KNL1: variants seen among roughly 807,000 people sequenced by gnomAD.
The protein encoded by KNL1 is outer kinetochore KNL1 complex subunit KNL1.
KNL1 carries 66 observed loss-of-function variants against 201.3 expected under a neutral mutation model. That is an observed-to-expected ratio of 0.33 (90% CI 0.27 to 0.40). The LOEUF (loss-of-function observed/expected upper bound fraction) is 0.40. Ranked by LOEUF, KNL1 falls within the 10% of genes least tolerant of loss-of-function variation. The probability of loss-of-function intolerance (pLI) is 1.00; values close to 1 mark genes in which losing one functional copy is unlikely to be tolerated. For missense variants in KNL1, 2,815 were observed against 2,690.5 expected, an observed-to-expected ratio of 1.05 and a Z score of -1.02; for synonymous variants, 895 against 899.2, an observed-to-expected ratio of 1.00 and a Z score of 0.08.
intron 10 of KNL1, among the ~76,000 whole-genome samples, chr15:40,626,321 T>G (rs894607156): frequency 2.0e-5 from 3 of 149,798 alleles, no homozygotes; most frequent in African/African-American, 7.4e-5. Flanking sequence ...CCCGGCTAAT[T>G]TCTTTCTTTT....
chr15:40,595,900 T>C (rs919554821), intron 1 of KNL1, among the ~76,000 whole-genome samples: 4 of 152,232 alleles, frequency 2.6e-5, no homozygotes, highest in African/African-American at 9.6e-5. Flanking sequence ...ATATCGGTCG[T>C]ATAAATGTAG....
At position 40,622,176 on chromosome 15, in the gene KNL1, T is replaced by C; in HGVS notation, c.1912T>C (p.Trp638Arg). The C allele has an allele frequency of 6.2e-7, 1 of 1,614,084 alleles. No individual in the cohort carries two copies. The highest frequency in any genetic ancestry group is 8.5e-7 in the Non-Finnish European group (1 of 1,179,964). Residue 638 changes from tryptophan (W) to arginine (R), a missense_variant, in exon 10 of 26, where the codon TGG becomes CGG. By Grantham distance (101) the Trp-to-Arg change is moderately radical. Transcript: ENST00000399668. ...IIAKNSLTDT[W>R]NKDKDWVLKI... ...AGCCAAAAACAGCTTAACCGACACC[T>C]GGAACAAAGACAAAGATTGGGTTTT...
chr15:40,657,547 T>A, intron 24 of KNL1, 74 bp downstream of exon 24: 1 of 789,350 alleles, frequency 1.3e-6, no homozygotes, highest in Non-Finnish European at 2.2e-6. Context: ...TTCTGGAGGC[T>A]GGAGGTCTGA....
At chr15:40,640,883 G>A (rs1445663240) in intron 13 of KNL1, 29 bp from the exon 14 acceptor site, 2 of 1,333,462 alleles carry the variant, frequency 1.5e-6, no homozygotes, top group Admixed American at 1.7e-5. Context: ...CAAGATACCA[G>A]TTCTCAGGGA....
In KNL1 at chr15:40,646,798, A is replaced by G. The variant is rs537166601; in HGVS notation, c.6007-189A>G. ...CATGAACCCGGGAGGCGGAGCTTGC[A>G]ATGAGCCCAGATGGCGCCACTGCAC... On this transcript the variant is annotated intron_variant, in intron 16 of 25. Coordinates refer to ENST00000399668, the MANE Select transcript of KNL1 (RefSeq NM_144508.5). The G allele has an allele frequency of 2.5e-5, 9 of 353,366 alleles. No individual in the cohort carries two copies. In the South Asian group the frequency reaches 2.8e-4, roughly 11 times the overall value. The allele number at this position is 353,366 out of a possible 1,614,324, so 21.9% of individuals were successfully genotyped here.
rs1434117583 is a variant in KNL1 at position 40,628,116 on chromosome 15, G to C, written c.5423G>C (p.Ser1808Thr). ...GAGGATATAGATAAAAGTGCTAACA[G>C]TGTATTGATAAAAAACCTGAGCAGG... ...TEEDIDKSAN[S>T]VLIKNLSRTP... is the part of the protein sequence containing the mutation. The change falls in exon 11 of 26, where the codon AGT becomes ACT. Residue 1808 changes from serine (S) to threonine (T), a missense_variant. Physicochemically the swap from Ser to Thr is moderately conservative, Grantham distance 58. This residue lies in a region of KNL1 where 2,464 missense variants were observed against 2,291.7 expected (regional missense o/e 1.08). Coordinates refer to ENST00000399668, the MANE Select transcript of KNL1 (RefSeq NM_144508.5). The C allele has an allele frequency of 3.1e-6, 5 of 1,612,152 alleles. No homozygotes were observed. In the African/African-American group the frequency reaches 5.3e-5, roughly 17 times the overall value.
chr15:40,662,172 G>A lies in KNL1; in HGVS notation c.6935G>A (p.Cys2312Tyr), dbSNP rs61164860. 15 of 1,600,514 alleles carry A rather than the reference G, an allele frequency of 9.4e-6. No homozygotes were observed. The Admixed American group carries it at 2.3e-4, about 25-fold the overall frequency. Residue 2312 changes from cysteine to tyrosine, a missense_variant, in exon 26 of 26, where the codon TGC becomes TAC. By Grantham distance (194) the Cys-to-Tyr change is radical. Around this residue, in one of 3 missense-constraint regions of KNL1, gnomAD observed 334 missense variants for 362.6 expected, o/e 0.92. Transcript: ENST00000399668. Reference protein sequence around the residue: ...KQIYQDLFQDCHFYH With the variant: ...KQIYQDLFQDYHFYH Reference sequence around the variant, plus strand: ...ATTTACCAAGATCTGTTTCAGGACTGCCATTTCTACCACTAGACCCTTGGA... The same window carrying A: ...ATTTACCAAGATCTGTTTCAGGACTACCATTTCTACCACTAGACCCTTGGA...
chr15:40,623,619 T>G lies in KNL1; in HGVS notation c.3355T>G (p.Tyr1119Asp), dbSNP rs1336635755. 6.2e-7 allele frequency: 1 copy of G among 1,613,796 alleles called. No individual in the cohort carries two copies. The highest frequency in any genetic ancestry group is 8.5e-7 in the Non-Finnish European group (1 of 1,179,912). The change falls in exon 10 of 26, where the codon TAT becomes GAT. Residue 1119 changes from tyrosine (Y) to aspartate (D), a missense_variant. Coordinates refer to ENST00000399668, the MANE Select transcript of KNL1 (RefSeq NM_144508.5). ...GGCAGGGGCTTCTAAAACTATTTTG[T>G]ATTCATGTGGGCAGGATGACATGGA... ...HLAGASKTIL[Y>D]SCGQDDMEIT...
At chr15:40,654,834 A>G in intron 21 of KNL1, 75 bp from the exon 22 acceptor site, 1 of 1,099,598 alleles carries the variant, frequency 9.1e-7, no homozygotes, top group Admixed American at 1.7e-5. Context: ...GCGCCATTGC[A>G]CTCCAGCCTG....
At chr15:40,635,026 G>T (rs901030278) in intron 13 of KNL1, among the ~76,000 whole-genome samples, 1 of 151,692 alleles carries the variant, frequency 6.6e-6, no homozygotes, top group East Asian at 1.9e-4. Flanking sequence ...AATGAGGTTC[G>T]TGGCTGTGGG....
chr15:40,606,428 C>A lies in KNL1; in HGVS notation c.111C>A (p.Leu37=). The change falls in exon 4 of 26, where the codon CTC becomes CTA. Residue 37 remains leucine (L), a synonymous_variant. Coordinates refer to ENST00000399668, the MANE Select transcript of KNL1 (RefSeq NM_144508.5). ...CCCCAAGGAGTCCTCTTCAGGACCT[C>A]AGAGGTGGGAATGAAAGAGTTCAGG... is the stretch of plus-strand genomic sequence containing the variant. The part of the protein sequence containing the change: ...LKPPRSPLQD[L]RGGNERVQES... The A allele has an allele frequency of 6.3e-7, 1 of 1,579,068 alleles. No homozygotes were observed. The highest frequency in any genetic ancestry group is 8.7e-7 in the Non-Finnish European group (1 of 1,148,592).
intron 1 of KNL1, among the ~76,000 whole-genome samples, chr15:40,598,042 C>T (rs1014241439): frequency 5.3e-5 from 8 of 151,848 alleles, no homozygotes; most frequent in African/African-American, 1.4e-4. Context: ...TGGTGGCAGG[C>T]GCCTGGAATC....
chr15:40,659,776 A>G (rs987875703), intron 25 of KNL1, among the ~76,000 whole-genome samples: 1 of 152,044 alleles, frequency 6.6e-6, no homozygotes, highest in African/African-American at 2.4e-5. Flanking sequence ...CACCGCGCCC[A>G]GCAAGGACTA....
At chr15:40,650,076 A>G (rs1323891691) in intron 17 of KNL1, 1 of 373,662 alleles carries the variant, frequency 2.7e-6, no homozygotes, top group Non-Finnish European at 4.9e-6. Flanking sequence ...CATGAATTCC[A>G]TAGTCTAAAG....
intron 14 of KNL1, among the ~76,000 whole-genome samples, chr15:40,644,611 C>A (rs1388013942): frequency 2.0e-5 from 3 of 152,246 alleles, no homozygotes; most frequent in Admixed American, 2.0e-4. Context: ...TTGGACAATA[C>A]CCCGCTTTCA....
chr15:40,634,813 A>G (rs1271010796), intron 13 of KNL1, among the ~76,000 whole-genome samples: 1 of 152,198 alleles, frequency 6.6e-6, no homozygotes, highest in African/African-American at 2.4e-5. Context: ...AGGATGCTTT[A>G]GGAATTGATC....
chr15:40,624,571 A>C lies in KNL1; in HGVS notation c.4307A>C (p.Asp1436Ala). 6.2e-7 allele frequency: 1 copy of C among 1,613,924 alleles called. No homozygotes were observed. The highest frequency in any genetic ancestry group is 8.5e-7 in the Non-Finnish European group (1 of 1,179,810). Reference protein sequence around the residue: ...PKDQMKVYVDDIYVIPQPHFS... With the variant: ...PKDQMKVYVDAIYVIPQPHFS... ...GATCAAATGAAAGTCTATGTTGATGACATTTATGTTATTCCTCAGCCTCAT... is the reference window on the plus strand; with the variant it reads ...GATCAAATGAAAGTCTATGTTGATGCCATTTATGTTATTCCTCAGCCTCAT... Residue 1436 changes from aspartate (D) to alanine (A), a missense_variant, in exon 10 of 26, where the codon GAC (aspartate) becomes GCC (alanine). By Grantham distance (126) the Asp-to-Ala change is moderately radical. This residue lies in a region of KNL1 where 2,464 missense variants were observed against 2,291.7 expected (regional missense o/e 1.08). Transcript: ENST00000399668.
chr15:40,597,967 C>G (rs961800742), intron 1 of KNL1, among the ~76,000 whole-genome samples: 1 of 151,950 alleles, frequency 6.6e-6, no homozygotes, highest in Non-Finnish European at 1.5e-5. Context: ...GTGAAGAGTT[C>G]GAGACCAGCC....
chr15:40,659,224 A>C, intron 24 of KNL1, 115 bp from the exon 25 acceptor site: 1 of 766,788 alleles, frequency 1.3e-6, no homozygotes, highest in Admixed American at 2.9e-5. Context: ...GAAATTGTGC[A>C]CTGCACTCCA....
Sources: gnomAD v4.1 joint callset for allele counts (sites outside exome capture counted in the v4.1 genomes callset) on GRCh38, gnomAD v4.1.1 for gene constraint, gnomAD v4.1.1 regional missense constraint, MANE v1.5 for transcripts, NCBI Gene and HGNC (gene_info 2026-07-23, HGNC 2026-07-21) for gene names.